The following SCRG1 variants were observed in gnomAD, a reference collection of about 807,000 sequenced individuals.
The protein encoded by SCRG1 is scrapie-responsive protein 1.
Under a neutral mutation model 7.7 loss-of-function variants are expected in SCRG1, and 3 were observed. The observed-to-expected ratio is 0.39, with a 90% CI of 0.18 to 1.01. The LOEUF is 1.01. SCRG1 is among the 50% of genes least tolerant of loss of function. The pLI is 0.36. For missense variants in SCRG1, 110 were observed against 117.2 expected (o/e 0.94, Z 0.28); for synonymous variants, 46 against 41.2 (o/e 1.12, Z -0.44).
chr4:173,441,238 A>G, the SCRG1 span, among the ~76,000 whole-genome samples: 1 of 152,178 alleles, frequency 6.6e-6, no homozygotes, highest in South Asian at 2.1e-4. Flanking sequence ...AGGAGGCTAA[A>G]AACACCTTCT....
At chr4:173,402,610 G>A (rs1273738338), upstream of SCRG1, among the ~76,000 whole-genome samples, 1 of 152,128 alleles carries the variant, frequency 6.6e-6, no homozygotes, top group East Asian at 1.9e-4. Flanking sequence ...AATGGAACAT[G>A]CATTAGTTCT....
At chr4:173,516,449 A>G in the SCRG1 span, among the ~76,000 whole-genome samples, 1 of 152,140 alleles carries the variant, frequency 6.6e-6, no homozygotes, top group South Asian at 2.1e-4. Context: ...TTCTGTTTCT[A>G]AAGAAAGCAC....
chr4:173,463,165 C>T, the SCRG1 span, among the ~76,000 whole-genome samples: 1 of 152,146 alleles, frequency 6.6e-6, no homozygotes, highest in South Asian at 2.1e-4. Flanking sequence ...TCTACACTGC[C>T]CTGTGGAAGA....
At chr4:173,512,873 A>C in the SCRG1 span, among the ~76,000 whole-genome samples, 1 of 152,218 alleles carries the variant, frequency 6.6e-6, no homozygotes, top group Non-Finnish European at 1.5e-5. Context: ...GGGAACAGTC[A>C]CCTCTGGCTT....
chr4:173,494,281 G>A, the SCRG1 span, among the ~76,000 whole-genome samples: 2 of 152,036 alleles, frequency 1.3e-5, no homozygotes, highest in South Asian at 2.1e-4. Context: ...TTCTTCCCCC[G>A]AATCAAAACC....
chr4:173,511,148 A>G, the SCRG1 span, among the ~76,000 whole-genome samples: 1 of 152,036 alleles, frequency 6.6e-6, no homozygotes, highest in African/African-American at 2.4e-5. The surrounding 1 kb of genome is among the most constrained non-coding windows in gnomAD (Gnocchi z 5.2). Flanking sequence ...TTGTATATTT[A>G]GTAGAGACGG....
chr4:173,491,966 C>CA, the SCRG1 span, among the ~76,000 whole-genome samples: 35 of 151,760 alleles, frequency 2.3e-4, no homozygotes, highest in African/African-American at 8.2e-4. Flanking sequence ...TCCATCTCTA[C>CA]AATTTTTTTT....
At chr4:173,395,509 A>C (rs1384341362) in intron 1 of SCRG1, among the ~76,000 whole-genome samples, 2 of 152,086 alleles carry the variant, frequency 1.3e-5, no homozygotes, top group Non-Finnish European at 2.9e-5. Context: ...CTTTAATCCT[A>C]TGTATGTGTC....
At chr4:173,435,637 C>T in the SCRG1 span, among the ~76,000 whole-genome samples, 1 of 152,122 alleles carries the variant, frequency 6.6e-6, no homozygotes, top group Non-Finnish European at 1.5e-5. Flanking sequence ...AGAACATCGC[C>T]AAGGTAGGCA....
the SCRG1 span, among the ~76,000 whole-genome samples, chr4:173,497,334 T>C: frequency 6.6e-6 from 1 of 152,144 alleles, no homozygotes; most frequent in South Asian, 2.1e-4. Context: ...TGCCTACCTA[T>C]GGTCCCTCAG....
At chr4:173,402,741 A>G (rs1048336973), upstream of SCRG1, among the ~76,000 whole-genome samples, 1 of 152,180 alleles carries the variant, frequency 6.6e-6, no homozygotes, top group Non-Finnish European at 1.5e-5. Flanking sequence ...TGGGCTCACC[A>G]AGGCTGGCAG....
the SCRG1 span, chr4:173,468,441 A>C: frequency 6.6e-6 from 1 of 152,192 alleles, no homozygotes; most frequent in African/African-American, 2.4e-5. Context: ...CTTGGAACAT[A>C]TTCCAGTTGT....
At chr4:173,490,148 T>G in the SCRG1 span, among the ~76,000 whole-genome samples, 2 of 152,176 alleles carry the variant, frequency 1.3e-5, no homozygotes, top group Non-Finnish European at 2.9e-5. Context: ...TGCAACAAAA[T>G]TTCACTAATA....
chr4:173,461,875 TA>T, the SCRG1 span, among the ~76,000 whole-genome samples: 2 of 150,640 alleles, frequency 1.3e-5, no homozygotes, highest in East Asian at 2.0e-4. Flanking sequence ...TTGAAATAAT[TA>T]AAAAAAAAGA....
chr4:173,493,130 C>G, the SCRG1 span, among the ~76,000 whole-genome samples: 1 of 151,986 alleles, frequency 6.6e-6, no homozygotes, highest in African/African-American at 2.4e-5. Context: ...GCTCTGTGTC[C>G]CCACCCAAAT....
At chr4:173,483,140 T>C in the SCRG1 span, among the ~76,000 whole-genome samples, 29 of 71,604 alleles carry the variant, frequency 4.1e-4, no homozygotes, top group African/African-American at 1.5e-3. Context: ...ATTTTATATA[T>C]GAAATATACA....
At chr4:173,395,892 C>G (rs1389953679) in intron 1 of SCRG1, among the ~76,000 whole-genome samples, 1 of 152,100 alleles carries the variant, frequency 6.6e-6, no homozygotes, top group Non-Finnish European at 1.5e-5. Flanking sequence ...TCATAAAGGG[C>G]CTAGAAGATA....
the SCRG1 span, among the ~76,000 whole-genome samples, chr4:173,433,437 G>A: frequency 6.6e-6 from 1 of 152,128 alleles, no homozygotes; most frequent in African/African-American, 2.4e-5. Context: ...TGCAAGTTCT[G>A]CTGCTCTTCT....
Position 173,388,131 on chromosome 4 carries a change from A to G in SCRG1, c.*210T>C. ...ATTACATTTTCTAGGCAAAATTTTT[A>G]ACCAATGCCAACAATGTCCACAGAG... On this transcript the variant is annotated 3_prime_UTR_variant, in exon 3 of 3. Coordinates refer to ENST00000296506, the MANE Select transcript of SCRG1 (RefSeq NM_007281.4). 1 of 456,184 alleles carries G rather than the reference A, an allele frequency of 2.2e-6. No individual in the cohort carries two copies. Among genetic ancestry groups the G allele is most frequent in the Non-Finnish European group, 3.8e-6 (1 of 261,576 alleles). 28.3% of individuals were successfully genotyped at this position (456,184 alleles called of 1,614,324 possible).
Sources: allele counts gnomAD v4.1 joint callset (sites outside exome capture counted in the v4.1 genomes callset), GRCh38; gene constraint gnomAD v4.1.1; non-coding constraint Gnocchi (gnomAD v3.1); transcripts MANE v1.5; gene names NCBI Gene and HGNC (gene_info 2026-07-23, HGNC 2026-07-21).